The following APLP1 variants were observed in gnomAD, a reference collection of about 807,000 sequenced individuals.
APLP1 encodes the protein amyloid beta (A4) precursor-like protein 1.
Under a neutral mutation model 84.5 loss-of-function variants are expected in APLP1, and 46 were observed. The ratio of observed to expected loss-of-function variants is 0.54; its 90% CI spans 0.43 to 0.70. APLP1 has a LOEUF of 0.70. Among genes scored for constraint, APLP1 ranks in the 30% least tolerant of loss-of-function variants. The pLI is 0.00. For synonymous variants in APLP1, 376 were observed against 364.0 expected (o/e 1.03, Z -0.38); for missense variants, 826 against 900.2 (o/e 0.92, Z 1.05).
At chr19:35,869,550 T>C in intron 1 of APLP1, 117 bp from the exon 2 acceptor site, 1 of 1,381,326 alleles carries the variant, frequency 7.2e-7, no homozygotes, top group Admixed American at 2.1e-5. Context: ...GGAGGCGGTG[T>C]GCGGTGCTTG....
chr19:35,874,920 G>C lies in APLP1; in HGVS notation c.1344+51G>C. 3.2e-6 allele frequency: 5 copies of C among 1,583,962 alleles called. No individual in the cohort carries two copies. The highest frequency in any genetic ancestry group is 1.1e-5 in the South Asian group (1 of 88,710). ...ATGCGCCGCTATTCCTCAGACGCCC[G>C]CGCCTCAGGCTCTTCTCTTGTCCCT... On this transcript the variant is annotated intron_variant, in intron 10 of 16. Transcript: ENST00000221891. This position sits in a 1 kb window ranked among gnomAD's most constrained non-coding sequence, Gnocchi z 6.4.
chr19:35,869,470 G>A, intron 1 of APLP1, 197 bp from the exon 2 acceptor site: 2 of 738,598 alleles, frequency 2.7e-6, no homozygotes, highest in Non-Finnish European at 4.5e-6. Context: ...GACCCAGGTC[G>A]CCATAGCAAC....
chr19:35,869,018 C>A, intron 1 of APLP1: 2 of 367,516 alleles, frequency 5.4e-6, no homozygotes, highest in Non-Finnish European at 4.8e-6. Context: ...AGCCCCTGGT[C>A]CCAGAAGTCC....
chr19:35,878,767 G>T, intron 14 of APLP1, 113 bp downstream of exon 14: 1 of 1,529,528 alleles, frequency 6.5e-7, no homozygotes. Flanking sequence ...AGGGAAGAGG[G>T]AGCTGAGGAC....
At chr19:35,872,855 T>C (rs1599885039) in intron 7 of APLP1, among the ~76,000 whole-genome samples, 1 of 151,912 alleles carries the variant, frequency 6.6e-6, no homozygotes. Context: ...GGTTTTTTTT[T>C]TTTTCTTTTG....
intron 10 of APLP1, 60 bp from the exon 11 acceptor site, chr19:35,876,457 C>A: frequency 7.1e-7 from 1 of 1,417,938 alleles, no homozygotes; most frequent in Non-Finnish European, 1.0e-6. Flanking sequence ...CATACTGCTT[C>A]AGTTTCCTCA....
rs145927014 is a variant in APLP1 at position 35,869,738 on chromosome 19, C to T, written c.219C>T (p.Arg73=). The T allele has an allele frequency of 4.8e-4, 780 of 1,610,858 alleles. 3 individuals are homozygous for T. The African/African-American group carries it at 9.4e-3, about 19-fold the overall frequency. ...TTCACCGGGACCTGCGCACCGGCCGCTGGGAACCAGACCCACAGCGCTCTC... is the reference window on the plus strand; with the variant it reads ...TTCACCGGGACCTGCGCACCGGCCGTTGGGAACCAGACCCACAGCGCTCTC... The part of the protein sequence containing the change: ...LTLHRDLRTG[R]WEPDPQRSRR... The change falls in exon 2 of 17, where the codon CGC becomes CGT. Residue 73 remains arginine, a synonymous_variant. Coordinates refer to ENST00000221891, the MANE Select transcript of APLP1 (RefSeq NM_001024807.3).
At position 35,872,465 on chromosome 19, in the gene APLP1, T is replaced by A. The variant is rs1289867869; in HGVS notation, c.851-18T>A. The stretch of plus-strand genomic sequence containing the variant: ...GGAGGTGGGCTGCAGACTGACCTCC[T>A]GATCCCTGGTCTTGCAGTCACTCCC... On this transcript the variant is annotated intron_variant, in intron 6 of 16. Coordinates refer to ENST00000221891, the MANE Select transcript of APLP1 (RefSeq NM_001024807.3). 1.2e-6 allele frequency: 2 copies of A among 1,609,052 alleles called. No homozygotes were observed. The highest frequency in any genetic ancestry group is 2.2e-5 in the South Asian group (2 of 90,578).
intron 11 of APLP1, 50 bp from the exon 12 acceptor site, chr19:35,877,668 C>T (rs756252176): frequency 4.4e-6 from 6 of 1,348,458 alleles, no homozygotes; most frequent in Non-Finnish European, 5.2e-6. Flanking sequence ...GTGCCCTCCA[C>T]TCACCCCTAT....
chr19:35,876,570 G>T lies in APLP1; in HGVS notation c.1398G>T (p.Leu466=), dbSNP rs368465916. 201 of 1,613,376 alleles carry T rather than the reference G, an allele frequency of 1.2e-4. 1 individual carries two copies. In the Middle Eastern group the frequency reaches 5.1e-3, roughly 41 times the overall value. Residue 466 remains leucine, a synonymous_variant, in exon 11 of 17, where the codon CTG becomes CTT. Transcript: ENST00000221891. Reference sequence around the variant, plus strand: ...AGAGGGTGAATCAGAGCCTGGGCCTGCTTGACCAGAACCCCCACCTGGCTC... The same window carrying T: ...AGAGGGTGAATCAGAGCCTGGGCCTTCTTGACCAGAACCCCCACCTGGCTC... ...IEERVNQSLG[L]LDQNPHLAQE...
At position 35,875,377 on chromosome 19, in the gene APLP1, G is replaced by A. The variant is rs147224282; in HGVS notation, c.1344+508G>A. On this transcript the variant is annotated intron_variant, in intron 10 of 16. Transcript: ENST00000221891. The stretch of plus-strand genomic sequence containing the variant: ...GTCTCGCTCTGTTTCCCAGGCTGGA[G>A]TGCAGTGACATGATCTGGGCTCACT... 8.9e-3 allele frequency among the ~76,000 whole-genome samples: 1,344 copies of A among 150,392 alleles called. 20 individuals carry two copies. The highest frequency in any genetic ancestry group is 0.031 in the African/African-American group (1,254 of 40,676).
At position 35,874,805 on chromosome 19, in the gene APLP1, C is replaced by T. The variant is rs990841702; in HGVS notation, c.1280C>T (p.Thr427Met). ...LRAEQKEQRH[T>M]LRHYQHVAAV... Reference sequence around the variant, plus strand: ...GCGGAGCAGAAGGAACAGAGGCACACGCTGCGCCACTACCAGCATGTGGCC... The same window carrying T: ...GCGGAGCAGAAGGAACAGAGGCACATGCTGCGCCACTACCAGCATGTGGCC... The change falls in exon 10 of 17, where the codon ACG (threonine) becomes ATG (methionine). Residue 427 changes from threonine (T) to methionine (M), a missense_variant. By Grantham distance (81) the Thr-to-Met change is moderately conservative. This residue lies in a region of APLP1 where 433 missense variants were observed against 496.5 expected (regional missense o/e 0.87). Transcript: ENST00000221891. The surrounding 1 kb of genome is among the most constrained non-coding windows in gnomAD (Gnocchi z 6.4). 6 of 1,612,792 alleles carry T rather than the reference C, an allele frequency of 3.7e-6. No homozygotes were observed. The highest frequency in any genetic ancestry group is 1.3e-5 in the African/African-American group (1 of 74,940).
At chr19:35,869,459 G>C in intron 1 of APLP1, 1 of 706,512 alleles carries the variant, frequency 1.4e-6, no homozygotes, top group Non-Finnish European at 2.4e-6. Flanking sequence ...GAATCCCGGG[G>C]GACCCAGGTC....
At position 35,873,624 on chromosome 19, in the gene APLP1, C is replaced by T. The variant is rs780140772; in HGVS notation, c.982-15C>T. The T allele has an allele frequency of 6.2e-7, 1 of 1,613,856 alleles. No individual in the cohort carries two copies. The highest frequency in any genetic ancestry group is 1.1e-5 in the South Asian group (1 of 91,024). On this transcript the variant is annotated splice_polypyrimidine_tract_variant and intron_variant, in intron 7 of 16. Coordinates refer to ENST00000221891, the MANE Select transcript of APLP1 (RefSeq NM_001024807.3). The stretch of plus-strand genomic sequence containing the variant: ...GGGTGGATTCTGGGATCCTGAAGCT[C>T]CCCTCCCTATGCAGGTGATGCGTGA...
intron 6 of APLP1, 144 bp from the exon 7 acceptor site, chr19:35,872,339 C>A: frequency 8.6e-7 from 1 of 1,157,806 alleles, no homozygotes; most frequent in Non-Finnish European, 1.2e-6. Flanking sequence ...TCCAGAACTA[C>A]ATCTCCCATA....
At position 35,869,944 on chromosome 19, in the gene APLP1, A is replaced by G. The variant is rs185555541; in HGVS notation, c.291+134A>G. The G allele has an allele frequency of 4.3e-6, 5 of 1,154,706 alleles. No homozygotes were observed. In the African/African-American group the frequency reaches 6.4e-5, roughly 15 times the overall value. 71.5% of individuals were successfully genotyped at this position (1,154,706 alleles called of 1,614,324 possible). ...GCCAATAAAGAGGCGCAACTATGCT[A>G]GGGGCAGGGGACCTGTTTTGAGATA... On this transcript the variant is annotated intron_variant, in intron 2 of 16. Coordinates refer to ENST00000221891, the MANE Select transcript of APLP1 (RefSeq NM_001024807.3).
Position 35,871,723 on chromosome 19 carries a change from G to C in APLP1, c.649G>C (p.Asp217His). ...GTGCTGTCCCCCTCCAGGGACCCCC[G>C]ACCCATCTGGGACAGCAGTTGGGTG... is the stretch of plus-strand genomic sequence containing the variant. ...YVCCPPPGTP[D>H]PSGTAVGDPS... The change falls in exon 5 of 17, where the codon GAC becomes CAC. Residue 217 changes from aspartate (D) to histidine (H), a missense_variant. Asp to His is a moderately conservative substitution (Grantham distance 81, BLOSUM62 -1). This residue lies in a region of APLP1 where 383 missense variants were observed against 378.3 expected (regional missense o/e 1.01). Coordinates refer to ENST00000221891, the MANE Select transcript of APLP1 (RefSeq NM_001024807.3). 6.2e-7 allele frequency: 1 copy of C among 1,613,996 alleles called. No individual in the cohort carries two copies. Among genetic ancestry groups the C allele is most frequent in the Non-Finnish European group, 8.5e-7 (1 of 1,179,990 alleles).
chr19:35,872,355 A>C, intron 6 of APLP1, 128 bp from the exon 7 acceptor site: 1 of 1,292,222 alleles, frequency 7.7e-7, no homozygotes, highest in Non-Finnish European at 1.1e-6. Flanking sequence ...CCATAATGCC[A>C]GGCAGCAGCG....
At chr19:35,878,376 T>C (rs960294365) in intron 13 of APLP1, 1 of 643,862 alleles carries the variant, frequency 1.6e-6, no homozygotes, top group Non-Finnish European at 2.7e-6. Context: ...TGAGACCCTG[T>C]ACCTACAAAT....
Sources: allele counts gnomAD v4.1 joint callset (sites outside exome capture counted in the v4.1 genomes callset), GRCh38; gene constraint gnomAD v4.1.1; regional missense constraint gnomAD v4.1.1; non-coding constraint Gnocchi (gnomAD v3.1); transcripts MANE v1.5; gene names NCBI Gene and HGNC (gene_info 2026-07-23, HGNC 2026-07-21).